The following FSTL4 variants were observed in gnomAD, a reference collection of about 807,000 sequenced individuals.
FSTL4 encodes follistatin like 4, also known as follistatin-related protein 4.
In FSTL4, 28 loss-of-function variants were observed where a neutral mutation model predicts 78.2. That is an observed-to-expected ratio of 0.36 (90% CI 0.27 to 0.49). The LOEUF (loss-of-function observed/expected upper bound fraction) is 0.49. FSTL4 is among the 20% of genes least tolerant of loss of function. The probability of loss-of-function intolerance (pLI) is 0.98; values close to 1 mark genes in which losing one functional copy is unlikely to be tolerated. For synonymous variants in FSTL4, 422 were observed against 440.5 expected, an observed-to-expected ratio of 0.96 and a Z score of 0.53; for missense variants, 922 against 1,084.9, an observed-to-expected ratio of 0.85 and a Z score of 2.11.
At chr5:133,554,014 G>T (rs918766180) in intron 3 of FSTL4, among the ~76,000 whole-genome samples, 4 of 152,308 alleles carry the variant, frequency 2.6e-5, no homozygotes, top group Admixed American at 1.3e-4. Context: ...CCTCAGGCAC[G>T]TCACTGTACC....
chr5:133,512,145 CAA>C (rs1758747206), intron 3 of FSTL4, among the ~76,000 whole-genome samples: 1 of 152,154 alleles, frequency 6.6e-6, no homozygotes, highest in African/African-American at 2.4e-5. Context: ...CTCCAAAGCC[CAA>C]AGCCCACGCA....
chr5:133,288,738 GGCTCTGGCCTC>G (rs1753191847), intron 6 of FSTL4, among the ~76,000 whole-genome samples: 1 of 152,206 alleles, frequency 6.6e-6, no homozygotes, highest in Admixed American at 6.5e-5. Flanking sequence ...CTGTGAAAAG[GGCTCTGGCCTC>G]GCTTGACTGA....
the FSTL4 span, among the ~76,000 whole-genome samples, chr5:133,804,671 C>T: frequency 3.9e-5 from 6 of 152,120 alleles, no homozygotes; most frequent in African/African-American, 1.4e-4. Flanking sequence ...GCTGGGGCTT[C>T]CACTCCCTTC....
rs974702592 is a variant in FSTL4, at chr5:133,199,933, A to G, written c.1827-136T>C. The G allele has an allele frequency of 6.6e-6, 4 of 602,780 alleles. No homozygotes were observed. Among genetic ancestry groups the G allele is most frequent in the Admixed American group, 3.0e-5 (1 of 33,742 alleles). The allele number at this position is 602,780 out of a possible 1,614,324, so 37.3% of individuals were successfully genotyped here. On this transcript the variant is annotated intron_variant, in intron 15 of 15. Transcript: ENST00000265342. This position sits in a 1 kb window ranked among gnomAD's most constrained non-coding sequence, Gnocchi z 4.4. ...ATCTAATAGCCTAGTAATAAGATCT[A>G]TCATTCTGCAGGGGATGTCTTCATA...
chr5:133,558,790 A>G (rs1475165284), intron 3 of FSTL4, among the ~76,000 whole-genome samples: 3 of 152,150 alleles, frequency 2.0e-5, no homozygotes, highest in African/African-American at 7.2e-5. Flanking sequence ...CTGCCAAGAC[A>G]CTGTGGCTTA....
At chr5:133,737,930 C>T in the FSTL4 span, among the ~76,000 whole-genome samples, 5 of 152,024 alleles carry the variant, frequency 3.3e-5, no homozygotes, top group Non-Finnish European at 7.4e-5. Flanking sequence ...GGTATATGCC[C>T]GGTAATGAAC....
chr5:133,627,633 A>G, the FSTL4 span, among the ~76,000 whole-genome samples: 2 of 152,176 alleles, frequency 1.3e-5, no homozygotes, highest in African/African-American at 4.8e-5. Context: ...ATAATGTTAT[A>G]TTTGAAGTGA....
chr5:133,510,517 C>T (rs897504850), intron 3 of FSTL4, among the ~76,000 whole-genome samples: 2 of 152,060 alleles, frequency 1.3e-5, no homozygotes, highest in Non-Finnish European at 2.9e-5. Context: ...GCTACTGGAC[C>T]TACCCAACAA....
intron 13 of FSTL4, among the ~76,000 whole-genome samples, chr5:133,216,253 C>T (rs1750900948): frequency 6.6e-6 from 1 of 152,218 alleles, no homozygotes; most frequent in Admixed American, 6.5e-5. Flanking sequence ...CTGCTGTTGT[C>T]ATCTCTTGCC....
At chr5:133,427,753 C>G (rs944489359) in intron 3 of FSTL4, 1 of 491,762 alleles carries the variant, frequency 2.0e-6, no homozygotes. Context: ...TGTTGAGAAG[C>G]CCTACAGGGT....
intron 3 of FSTL4, among the ~76,000 whole-genome samples, chr5:133,478,425 T>C (rs1757963008): frequency 6.6e-6 from 1 of 151,992 alleles, no homozygotes; most frequent in Non-Finnish European, 1.5e-5. Context: ...GGAAGGAGCA[T>C]CCGTAGCTGT....
rs944743649 is a variant in FSTL4 at position 133,445,483 on chromosome 5, C to G, written c.161-44497G>C. On this transcript the variant is annotated intron_variant, in intron 3 of 15. Coordinates refer to ENST00000265342, the MANE Select transcript of FSTL4 (RefSeq NM_015082.2). ...ATGGGCCGGCTGCCACCCCATCGGCCCTGCCTGCCCTGACACCTGGCTGCA... is the reference window on the plus strand; with the variant it reads ...ATGGGCCGGCTGCCACCCCATCGGCGCTGCCTGCCCTGACACCTGGCTGCA... Among the ~76,000 whole-genome samples, 8 of 152,356 alleles carry G rather than the reference C, an allele frequency of 5.3e-5. No individual in the cohort carries two copies. In the Middle Eastern group the frequency reaches 0.024, roughly 453 times the overall value.
At chr5:133,550,116 T>G (rs1320044300) in intron 3 of FSTL4, among the ~76,000 whole-genome samples, 3 of 152,240 alleles carry the variant, frequency 2.0e-5, no homozygotes, top group African/African-American at 7.2e-5. Context: ...CAACTTTCTC[T>G]GAGTTTTTGG....
At chr5:133,263,640 G>A (rs1752582449) in intron 6 of FSTL4, among the ~76,000 whole-genome samples, 1 of 152,198 alleles carries the variant, frequency 6.6e-6, no homozygotes, top group Non-Finnish European at 1.5e-5. Context: ...AACGGGAGGT[G>A]AGAAGGTGAA....
intron 14 of FSTL4, chr5:133,208,134 T>C (rs1561618654): frequency 6.6e-6 from 1 of 152,250 alleles, no homozygotes; most frequent in Admixed American, 6.5e-5. Flanking sequence ...CTTGCCACTA[T>C]CTCTGTCCAC....
intron 3 of FSTL4, among the ~76,000 whole-genome samples, chr5:133,555,246 A>G (rs1302691878): frequency 1.3e-5 from 2 of 152,258 alleles, no homozygotes. Context: ...CATCTTTACA[A>G]TAATTTATTT....
chr5:133,257,458 G>A (rs1452031295), intron 6 of FSTL4, among the ~76,000 whole-genome samples: 1 of 152,208 alleles, frequency 6.6e-6, no homozygotes, highest in Non-Finnish European at 1.5e-5. Flanking sequence ...AGGGTTACCT[G>A]GGCATCCCTC....
the FSTL4 span, among the ~76,000 whole-genome samples, chr5:133,828,819 G>A: frequency 1.3e-5 from 2 of 152,218 alleles, no homozygotes; most frequent in African/African-American, 4.8e-5. Flanking sequence ...TAGCAAAGAT[G>A]ATGCAAAATA....
At chr5:133,336,688 A>G (rs1580629242) in intron 4 of FSTL4, among the ~76,000 whole-genome samples, 1 of 151,368 alleles carries the variant, frequency 6.6e-6, no homozygotes, top group Non-Finnish European at 1.5e-5. Context: ...CATCTAAACA[A>G]CCCTACAGCC....
Sources: gnomAD v4.1 joint callset for allele counts (sites outside exome capture counted in the v4.1 genomes callset) on GRCh38, gnomAD v4.1.1 for gene constraint, Gnocchi (gnomAD v3.1) non-coding constraint, MANE v1.5 for transcripts, NCBI Gene and HGNC (gene_info 2026-07-23, HGNC 2026-07-21) for gene names.